The following DPYD variants were observed in gnomAD, a reference collection of about 807,000 sequenced individuals.
DPYD encodes dihydropyrimidine dehydrogenase.
In DPYD, 109 loss-of-function variants were observed where a neutral mutation model predicts 116.2. That is an observed-to-expected ratio of 0.94 (90% CI 0.80 to 1.10). DPYD has a LOEUF of 1.10. Among genes scored for constraint, DPYD ranks in the 50% least tolerant of loss-of-function variants. DPYD has a pLI of 0.00. For synonymous variants in DPYD, 440 were observed against 432.0 expected, an observed-to-expected ratio of 1.02 and a Z score of -0.23; for missense variants, 1,302 against 1,254.5, an observed-to-expected ratio of 1.04 and a Z score of -0.57.
rs563031598 is a variant in DPYD, at chr1:97,250,411, CA to C, written c.2300-15418del. On this transcript the variant is annotated intron_variant, in intron 18 of 22. Transcript: ENST00000370192. The stretch of plus-strand genomic sequence containing the variant: ...CTAGATATTCACTCAACAGTGAAAA[CA>C]GAACTAAAAAAGTATATGTACAAAA... Among the ~76,000 whole-genome samples the C allele has an allele frequency of 2.1e-3, 318 of 152,158 alleles. 2 individuals carry two copies. The highest frequency in any genetic ancestry group is 7.4e-3 in the African/African-American group (307 of 41,504).
At chr1:97,397,804 A>G (rs1040235841) in intron 14 of DPYD, among the ~76,000 whole-genome samples, 6 of 152,084 alleles carry the variant, frequency 3.9e-5, no homozygotes, top group Admixed American at 1.3e-4. Flanking sequence ...GCAATTATGA[A>G]TAAAGCTGCT....
intron 3 of DPYD, among the ~76,000 whole-genome samples, chr1:97,763,974 T>G (rs1187032388): frequency 6.6e-6 from 1 of 152,086 alleles, no homozygotes; most frequent in African/African-American, 2.4e-5. Context: ...ACTACATATT[T>G]TATTAATTCA....
At chr1:97,747,214 A>G (rs1664606288) in intron 3 of DPYD, among the ~76,000 whole-genome samples, 2 of 152,208 alleles carry the variant, frequency 1.3e-5, no homozygotes, top group South Asian at 4.1e-4. Context: ...CAGTAACAGT[A>G]AAGACAATGA....
chr1:97,844,441 G>T (rs1286607997), intron 2 of DPYD, among the ~76,000 whole-genome samples: 2 of 152,084 alleles, frequency 1.3e-5, no homozygotes, highest in Non-Finnish European at 2.9e-5. Flanking sequence ...GAAGGGAGAG[G>T]GGCTGAAGTT....
chr1:97,804,015 C>T (rs1156931069), intron 3 of DPYD, among the ~76,000 whole-genome samples: 2 of 151,564 alleles, frequency 1.3e-5, no homozygotes, highest in Non-Finnish European at 3.0e-5. Context: ...GGTTTTAAAT[C>T]GAAGTAGTTT....
chr1:97,131,765 C>CTTG (rs1486626014), intron 20 of DPYD, among the ~76,000 whole-genome samples: 3 of 152,032 alleles, frequency 2.0e-5, no homozygotes, highest in African/African-American at 7.2e-5. Flanking sequence ...GAGTGCAATA[C>CTTG]GCCAAGGCAT....
intron 13 of DPYD, among the ~76,000 whole-genome samples, chr1:97,491,521 G>A (rs10158390): frequency 8.6e-5 from 13 of 151,868 alleles, no homozygotes; most frequent in Admixed American, 8.5e-4. Context: ...CCAATTTTCA[G>A]TGACATCTTT....
intron 14 of DPYD, among the ~76,000 whole-genome samples, chr1:97,425,692 C>G (rs552093098): frequency 1.3e-5 from 2 of 152,170 alleles, no homozygotes; most frequent in South Asian, 4.1e-4. Flanking sequence ...ATTTTGCAAA[C>G]AGACTTTGTC....
At chr1:97,743,396 T>A (rs922156439) in intron 3 of DPYD, among the ~76,000 whole-genome samples, 1 of 152,118 alleles carries the variant, frequency 6.6e-6, no homozygotes, top group Non-Finnish European at 1.5e-5. Flanking sequence ...GTAATTACAC[T>A]ACTGCTATAG....
chr1:97,489,539 T>C (rs1393238461), intron 13 of DPYD, among the ~76,000 whole-genome samples: 1 of 152,174 alleles, frequency 6.6e-6, no homozygotes, highest in Non-Finnish European at 1.5e-5. Context: ...ACAATACACA[T>C]GGTACACTTA....
chr1:97,682,399 G>A (rs1557880220), intron 7 of DPYD, among the ~76,000 whole-genome samples: 1 of 151,852 alleles, frequency 6.6e-6, no homozygotes, highest in Non-Finnish European at 1.5e-5. Context: ...TCCAAGCAGT[G>A]ACAGGCACAA....
intron 20 of DPYD, among the ~76,000 whole-genome samples, chr1:97,180,640 A>C (rs1657584427): frequency 6.6e-6 from 1 of 152,176 alleles, no homozygotes. Context: ...GTTTAAAAGC[A>C]ACATCAGAAT....
chr1:97,595,784 G>T (rs868256472), intron 8 of DPYD, among the ~76,000 whole-genome samples: 1 of 151,196 alleles, frequency 6.6e-6, no homozygotes, highest in Non-Finnish European at 1.5e-5. Flanking sequence ...GAAACATAAA[G>T]AATAATAAAA....
chr1:97,393,745 T>C (rs1180502862), intron 14 of DPYD, among the ~76,000 whole-genome samples: 1 of 152,168 alleles, frequency 6.6e-6, no homozygotes, highest in Non-Finnish European at 1.5e-5. Flanking sequence ...AGTGCCACAA[T>C]AAACATATGT....
At chr1:97,140,552 A>G (rs78582536) in intron 20 of DPYD, among the ~76,000 whole-genome samples, 1,900 of 152,212 alleles carry the variant, frequency 0.012, 42 homozygotes, top group African/African-American at 0.043. Flanking sequence ...GCACTACACA[A>G]TCATCTTTTA....
At chr1:97,455,933 C>T (rs2101809030) in intron 13 of DPYD, among the ~76,000 whole-genome samples, 1 of 151,936 alleles carries the variant, frequency 6.6e-6, no homozygotes, top group South Asian at 2.1e-4. Flanking sequence ...TCATCAGGAA[C>T]TTCAGACCTA....
At position 97,098,497 on chromosome 1, in the gene DPYD, T is replaced by G. The variant is rs886046575; in HGVS notation, c.2758A>C (p.Thr920Pro). 36 of 1,612,696 alleles carry G rather than the reference T, an allele frequency of 2.2e-5. No homozygotes were observed. Among genetic ancestry groups the G allele is most frequent in the Non-Finnish European group, 3.0e-5 (35 of 1,179,246 alleles). The change falls in exon 21 of 23, where the codon ACC (threonine) becomes CCC (proline). Residue 920 changes from threonine to proline, a missense_variant. By Grantham distance (38) the Thr-to-Pro change is conservative. Coordinates refer to ENST00000370192, the MANE Select transcript of DPYD (RefSeq NM_000110.4). ...NCFIPKRPIP[T>P]IKDVIGKALQ... Reference sequence around the variant, plus strand: ...GTTGGCATAATTTTTACCTTGATGGTAGGAATAGGCCTTTTGGGGATAAAA... The same window carrying G: ...GTTGGCATAATTTTTACCTTGATGGGAGGAATAGGCCTTTTGGGGATAAAA...
intron 13 of DPYD, among the ~76,000 whole-genome samples, chr1:97,455,500 CTGAGA>C (rs1055569124): frequency 1.3e-4 from 20 of 151,960 alleles, no homozygotes; most frequent in Middle Eastern, 3.4e-3. Flanking sequence ...TAAAATCCTA[CTGAGA>C]TAAGTACAAC....
At chr1:97,152,545 TATA>T (rs1183255248) in intron 20 of DPYD, among the ~76,000 whole-genome samples, 1 of 151,334 alleles carries the variant, frequency 6.6e-6, no homozygotes, top group African/African-American at 2.4e-5. Flanking sequence ...TCTATTAAAT[TATA>T]ATATTAATGT....
Sources: allele counts gnomAD v4.1 joint callset (sites outside exome capture counted in the v4.1 genomes callset), GRCh38; gene constraint gnomAD v4.1.1; transcripts MANE v1.5; gene names NCBI Gene and HGNC (gene_info 2026-07-23, HGNC 2026-07-21).